KDM2B: variants seen among roughly 807,000 people sequenced by gnomAD.
KDM2B encodes the protein lysine demethylase 2B.
Under a neutral mutation model 150.0 loss-of-function variants are expected in KDM2B, and 26 were observed. The observed-to-expected ratio is 0.17, with a 90% CI of 0.13 to 0.24. The LOEUF (loss-of-function observed/expected upper bound fraction) is 0.24. Ranked by LOEUF, KDM2B falls within the 10% of genes least tolerant of loss-of-function variation. The pLI, the probability that KDM2B is intolerant of heterozygous loss-of-function variation, is 1.00. For synonymous variants in KDM2B, 734 were observed against 729.5 expected, an observed-to-expected ratio of 1.01 and a Z score of -0.10; for missense variants, 1,265 against 1,816.9, an observed-to-expected ratio of 0.70 and a Z score of 5.52.
intron 4 of KDM2B, among the ~76,000 whole-genome samples, chr12:121,564,726 C>A (rs1218074596): frequency 2.6e-5 from 4 of 152,056 alleles, no homozygotes; most frequent in Non-Finnish European, 5.9e-5. Flanking sequence ...AGATTCCAAT[C>A]AAAATTACAG....
chr12:121,505,361 T>C (rs529100771), intron 11 of KDM2B, among the ~76,000 whole-genome samples: 1 of 151,246 alleles, frequency 6.6e-6, no homozygotes, highest in East Asian at 2.0e-4. Flanking sequence ...AAATGGTAAA[T>C]TGTGTTACGT....
At chr12:121,526,041 G>C (rs1887100513) in intron 8 of KDM2B, among the ~76,000 whole-genome samples, 1 of 152,200 alleles carries the variant, frequency 6.6e-6, no homozygotes, top group South Asian at 2.1e-4. Flanking sequence ...CTGGCACCAA[G>C]TGGGCCCTTA....
At chr12:121,438,798 G>A (rs1016376898) in intron 22 of KDM2B, among the ~76,000 whole-genome samples, 1 of 151,728 alleles carries the variant, frequency 6.6e-6, no homozygotes, top group Admixed American at 6.6e-5. Context: ...GATGAGATGG[G>A]GATGTCCTTA....
intron 4 of KDM2B, among the ~76,000 whole-genome samples, chr12:121,557,642 C>A (rs923380229): frequency 2.0e-5 from 3 of 152,170 alleles, no homozygotes; most frequent in Non-Finnish European, 2.9e-5. Context: ...GCGCACTAAG[C>A]ACTGCCAGCC....
chr12:121,508,019 G>T (rs1246265224), intron 11 of KDM2B, among the ~76,000 whole-genome samples: 1 of 152,026 alleles, frequency 6.6e-6, no homozygotes, highest in Non-Finnish European at 1.5e-5. Context: ...TGTCTCAACG[G>T]TAAAAAAATA....
rs376081379 is a variant in KDM2B, at chr12:121,549,587, T to C, written c.449A>G (p.Glu150Gly). The C allele has an allele frequency of 1.2e-6, 2 of 1,611,794 alleles. No homozygotes were observed. The highest frequency in any genetic ancestry group is 1.7e-6 in the Non-Finnish European group (2 of 1,178,418). Reference sequence around the variant, plus strand: ...ACGCACAAACTGGGACATGCTCATCTCCGTGCCCTTCTGGGTGTTCACATC... The same window carrying C: ...ACGCACAAACTGGGACATGCTCATCCCCGTGCCCTTCTGGGTGTTCACATC... ...VMDVNTQKGT[E>G]MSMSQFVRYY... Residue 150 changes from glutamate (E) to glycine (G), a missense_variant, in exon 5 of 23, where the codon GAG (glutamate) becomes GGG (glycine). Coordinates refer to ENST00000377071, the MANE Select transcript of KDM2B (RefSeq NM_032590.5). This position sits in a 1 kb window ranked among gnomAD's most constrained non-coding sequence, Gnocchi z 4.4.
chr12:121,579,989 GAAAAAAAAAAA>G (rs35855511), intron 1 of KDM2B: 22 of 1,208,792 alleles, frequency 1.8e-5, no homozygotes, highest in South Asian at 3.0e-5. Context: ...TACAGATTTG[GAAAAAAAAAAA>G]AAAAAAAAAA....
At chr12:121,443,121 C>T (rs1444683164) in intron 17 of KDM2B, 91 bp from the exon 18 acceptor site, 23 of 1,299,580 alleles carry the variant, frequency 1.8e-5, no homozygotes, top group Non-Finnish European at 2.4e-5. Flanking sequence ...AGTCCACAGT[C>T]TCCAGAGGAG....
downstream of KDM2B, among the ~76,000 whole-genome samples, chr12:121,425,979 G>A (rs57944841): frequency 0.18 from 27,066 of 151,806 alleles, 3,546 homozygotes; most frequent in African/African-American, 0.37. Context: ...GTGTTAGCCA[G>A]GATAGTCTCA....
At position 121,467,417 on chromosome 12, in the gene KDM2B, C is replaced by G. The variant is rs1208735314; in HGVS notation, c.1735-14073G>C. On this transcript the variant is annotated intron_variant, in intron 12 of 22. Transcript: ENST00000377071. This position sits in a 1 kb window ranked among gnomAD's most constrained non-coding sequence, Gnocchi z 5.1. ...AGGGGCCGGCGGGGGAGGGCCGGGG[C>G]GCCATGCATATGCATGAGGCGAGCC... 2 of 902,172 alleles carry G rather than the reference C, an allele frequency of 2.2e-6. No individual in the cohort carries two copies. Among genetic ancestry groups the G allele is most frequent in the Admixed American group, 6.4e-5 (1 of 15,686 alleles). The allele number at this position is 902,172 out of a possible 1,614,324, so 55.9% of individuals were successfully genotyped here. A position where few individuals can be genotyped will look rare whatever the true frequency, so the allele number is the denominator to read the frequency against.
Position 121,439,930 on chromosome 12 carries a change from G to A in KDM2B, c.3756C>T (p.Thr1252=), listed in dbSNP as rs781852503. 2.2e-5 allele frequency: 35 copies of A among 1,614,096 alleles called. No individual in the cohort carries two copies. The highest frequency in any genetic ancestry group is 1.6e-4 in the Middle Eastern group (1 of 6,084). The part of the protein sequence containing the change: ...KLHLSYCNHV[T]DQSINLLTAV... ...CAGTGAGCAGGTTGATAGACTGGTC[G>A]GTGACGTGGTTACAGTAACTGAGGT... The change falls in exon 22 of 23, where the codon ACC becomes ACT. Residue 1252 remains threonine (T), a synonymous_variant. Coordinates refer to ENST00000377071, the MANE Select transcript of KDM2B (RefSeq NM_032590.5).
chr12:121,435,507 T>C (rs568303677), intron 22 of KDM2B, among the ~76,000 whole-genome samples: 1 of 152,240 alleles, frequency 6.6e-6, no homozygotes, highest in South Asian at 2.1e-4. Flanking sequence ...GGGCTAAAGA[T>C]GGTGTTAGTA....
At position 121,442,289 on chromosome 12, in the gene KDM2B, G is replaced by A. The variant is rs782200602; in HGVS notation, c.3152C>T (p.Pro1051Leu). 6.2e-6 allele frequency: 10 copies of A among 1,611,256 alleles called. No homozygotes were observed. The highest frequency in any genetic ancestry group is 8.5e-6 in the Non-Finnish European group (10 of 1,178,468). The change falls in exon 19 of 23, where the codon CCG (proline) becomes CTG (leucine). Residue 1051 changes from proline to leucine, a missense_variant. Physicochemically the swap from Pro to Leu is moderately conservative, Grantham distance 98. Around this residue, in one of 11 missense-constraint regions of KDM2B, gnomAD observed 251 missense variants for 397.8 expected, o/e 0.63. Transcript: ENST00000377071. The surrounding 1 kb of genome is among the most constrained non-coding windows in gnomAD (Gnocchi z 7.7). ...ATCGTCCAGGGGTAGCGAGTCAGGC[G>A]GGGGGCTGATGGGGGGTGGCCGGAT... ...HVIRPPPISP[P>L]PDSLPLDDGA...
At chr12:121,420,152 GTCA>G in the KDM2B span, 33 of 1,190,748 alleles carry the variant, frequency 2.8e-5, no homozygotes, top group Admixed American at 3.7e-5. Flanking sequence ...TGGCTTTCTG[GTCA>G]TCATGGGGAG....
chr12:121,454,120 G>A (rs1555292311), intron 12 of KDM2B, among the ~76,000 whole-genome samples: 2 of 151,846 alleles, frequency 1.3e-5, no homozygotes, highest in South Asian at 2.1e-4. Context: ...ACCTGCACTG[G>A]GTTCAGGGCC....
At chr12:121,504,479 G>A (rs1884870956) in intron 11 of KDM2B, among the ~76,000 whole-genome samples, 1 of 152,084 alleles carries the variant, frequency 6.6e-6, no homozygotes, top group South Asian at 2.1e-4. Context: ...AGGCTGCAGT[G>A]AGCTATGATT....
Position 121,444,052 on chromosome 12 carries a change from C to A in KDM2B, c.2411G>T (p.Arg804Leu). ...KSDDVHLRKK[R>L]KYEKPQELSG... The stretch of plus-strand genomic sequence containing the variant: ...CAGCTCCTGGGGCTTCTCGTATTTC[C>A]GCTTCTTCCTCAGGTGCACGTCGTC... Residue 804 changes from arginine to leucine, a missense_variant, in exon 16 of 23, where the codon CGG becomes CTG. Coordinates refer to ENST00000377071, the MANE Select transcript of KDM2B (RefSeq NM_032590.5). 2.5e-6 allele frequency: 4 copies of A among 1,613,570 alleles called. No homozygotes were observed. Among genetic ancestry groups the A allele is most frequent in the Non-Finnish European group, 3.4e-6 (4 of 1,179,706 alleles).
In KDM2B at chr12:121,443,663, G is replaced by A. The variant is rs199979750; in HGVS notation, c.2565+17C>T. 4.7e-5 allele frequency: 72 copies of A among 1,526,734 alleles called. No homozygotes were observed. In the East Asian group the frequency reaches 5.6e-4, roughly 12 times the overall value. The allele number at this position is 1,526,734 out of a possible 1,614,324, so 94.6% of individuals were successfully genotyped here. A position where few individuals can be genotyped will look rare whatever the true frequency, so the allele number is the denominator to read the frequency against. ...CCAGTCCCCGGGGCCTCAGGAGGGC[G>A]TGCGTCGTGGGAGCACCTGCTGCTG... On this transcript the variant is annotated intron_variant, in intron 17 of 22. Transcript: ENST00000377071.
rs781836063 is a variant in KDM2B at position 121,444,584 on chromosome 12, C to G, written c.2104-48G>C. ...GAAGAGGGACGGGCGGAGAAGATGG[C>G]CCACGGGCACAAGGCTCTGTGACGC... On this transcript the variant is annotated intron_variant, in intron 14 of 22. Transcript: ENST00000377071. 10 of 1,507,930 alleles carry G rather than the reference C, an allele frequency of 6.6e-6. No individual in the cohort carries two copies. The East Asian group carries it at 2.0e-4, about 31-fold the overall frequency. 93.4% of individuals were successfully genotyped at this position (1,507,930 alleles called of 1,614,324 possible). A position where few individuals can be genotyped will look rare whatever the true frequency, so the allele number is the denominator to read the frequency against.
Sources: allele counts gnomAD v4.1 joint callset (sites outside exome capture counted in the v4.1 genomes callset), GRCh38; gene constraint gnomAD v4.1.1; regional missense constraint gnomAD v4.1.1; non-coding constraint Gnocchi (gnomAD v3.1); transcripts MANE v1.5; gene names NCBI Gene and HGNC (gene_info 2026-07-23, HGNC 2026-07-21).